PTPRR: variants seen among roughly 807,000 people sequenced by gnomAD.
The protein encoded by PTPRR is receptor-type tyrosine-protein phosphatase R.
PTPRR carries 38 observed loss-of-function variants against 77.2 expected under a neutral mutation model. The observed-to-expected ratio is 0.49, with a 90% CI of 0.38 to 0.65. The LOEUF (loss-of-function observed/expected upper bound fraction) is 0.65, where lower values mean the gene tolerates loss of function less well. Among genes scored for constraint, PTPRR ranks in the 30% least tolerant of loss-of-function variants. The pLI, the probability that PTPRR is intolerant of heterozygous loss-of-function variation, is 0.00. For synonymous variants in PTPRR, 299 were observed against 283.1 expected, an observed-to-expected ratio of 1.06 and a Z score of -0.57; for missense variants, 744 against 799.2, an observed-to-expected ratio of 0.93 and a Z score of 0.83.
At chr12:70,666,654 T>C (rs1887006367) in intron 10 of PTPRR, among the ~76,000 whole-genome samples, 1 of 152,146 alleles carries the variant, frequency 6.6e-6, no homozygotes, top group East Asian at 1.9e-4. Flanking sequence ...GTCTCTAAGT[T>C]AAAAAATCTA....
chr12:70,715,942 T>C (rs1247993062), intron 6 of PTPRR, among the ~76,000 whole-genome samples: 5 of 152,158 alleles, frequency 3.3e-5, no homozygotes, highest in Non-Finnish European at 5.9e-5. Flanking sequence ...AGGGTATTGA[T>C]TGGGGAAGTG....
intron 10 of PTPRR, among the ~76,000 whole-genome samples, chr12:70,680,003 T>C (rs1258699368): frequency 1.3e-5 from 2 of 152,232 alleles, no homozygotes; most frequent in African/African-American, 4.8e-5. Context: ...TTGGTGGTTT[T>C]CCATAGTGAT....
Position 70,701,118 on chromosome 12 carries a change from C to G in PTPRR, c.1194+19G>C, listed in dbSNP as rs1888405686. ...ATCAAAATACCGACTGAAGAGTGAA[C>G]AATAAATAGAAGGCTCACCATGAAT... On this transcript the variant is annotated intron_variant, in intron 7 of 13. Coordinates refer to ENST00000283228, the MANE Select transcript of PTPRR (RefSeq NM_002849.4). The G allele has an allele frequency of 6.2e-7, 1 of 1,613,002 alleles. No individual in the cohort carries two copies. The highest frequency in any genetic ancestry group is 1.1e-5 in the South Asian group (1 of 91,014).
chr12:70,908,767 C>T (rs1157816407), intron 1 of PTPRR, among the ~76,000 whole-genome samples: 1 of 152,172 alleles, frequency 6.6e-6, no homozygotes, highest in African/African-American at 2.4e-5. Flanking sequence ...TTGGTAGACC[C>T]TTTCAACACT....
intron 2 of PTPRR, among the ~76,000 whole-genome samples, chr12:70,793,406 C>G (rs1891455081): frequency 6.6e-6 from 1 of 152,060 alleles, no homozygotes; most frequent in African/African-American, 2.4e-5. Context: ...ATCTTAGAGA[C>G]AAAGCATAAT....
chr12:70,846,438 G>C (rs75250152), intron 2 of PTPRR, among the ~76,000 whole-genome samples: 3,960 of 152,214 alleles, frequency 0.026, 172 homozygotes, highest in African/African-American at 0.09. Flanking sequence ...AGACTCACTT[G>C]TTTATTTTAA....
chr12:70,908,152 G>A (rs967493409), intron 1 of PTPRR, among the ~76,000 whole-genome samples: 1 of 152,136 alleles, frequency 6.6e-6, no homozygotes, highest in Non-Finnish European at 1.5e-5. Flanking sequence ...AAAAGTGTCT[G>A]TTTTAAGAAT....
chr12:70,859,363 G>A (rs1380535603), intron 2 of PTPRR, among the ~76,000 whole-genome samples: 1 of 152,130 alleles, frequency 6.6e-6, no homozygotes, highest in Non-Finnish European at 1.5e-5. Context: ...CAATCTCCAG[G>A]TGATTCTAAT....
At chr12:70,830,066 C>A (rs943072499) in intron 2 of PTPRR, among the ~76,000 whole-genome samples, 1 of 152,048 alleles carries the variant, frequency 6.6e-6, no homozygotes, top group Admixed American at 6.6e-5. Context: ...CTCTGCATTC[C>A]CTCCAAGGGA....
intron 8 of PTPRR, among the ~76,000 whole-genome samples, chr12:70,690,466 C>G (rs564910699): frequency 6.6e-6 from 1 of 152,108 alleles, no homozygotes; most frequent in Non-Finnish European, 1.5e-5. Context: ...TAAAAAATAA[C>G]GTTTTAGCAA....
At chr12:70,917,293 C>G (rs1235284800) in intron 1 of PTPRR, among the ~76,000 whole-genome samples, 1 of 152,162 alleles carries the variant, frequency 6.6e-6, no homozygotes, top group African/African-American at 2.4e-5. Context: ...TTTTGCACCA[C>G]TAACTTAATC....
chr12:70,733,575 G>A (rs886763956), intron 6 of PTPRR, among the ~76,000 whole-genome samples: 1 of 151,962 alleles, frequency 6.6e-6, no homozygotes, highest in Non-Finnish European at 1.5e-5. Context: ...CCACTAGAGG[G>A]AACTAATTCC....
At chr12:70,788,364 G>A (rs1891364622) in intron 2 of PTPRR, among the ~76,000 whole-genome samples, 1 of 152,152 alleles carries the variant, frequency 6.6e-6, no homozygotes, top group African/African-American at 2.4e-5. Flanking sequence ...TTATAAAAAT[G>A]TCTAGATTTA....
rs148502577 is a variant in PTPRR, at chr12:70,753,141, A to G, written c.738+1050T>C. ...ATTTTAAACTCTAGAAAACATGCTT[A>G]TCTTCACCCTGTTTAAGACTGTGCT... On this transcript the variant is annotated intron_variant, in intron 5 of 13. Transcript: ENST00000283228. Among the ~76,000 whole-genome samples, 8 of 152,258 alleles carry G rather than the reference A, an allele frequency of 5.3e-5. No homozygotes were observed. In the East Asian group the frequency reaches 1.2e-3, roughly 22 times the overall value.
chr12:70,833,130 T>C (rs907951765), intron 2 of PTPRR, among the ~76,000 whole-genome samples: 2 of 152,046 alleles, frequency 1.3e-5, no homozygotes, highest in African/African-American at 2.4e-5. Context: ...CATTTCAACA[T>C]GAGATTTGGA....
At chr12:70,812,201 C>T (rs1270235029) in intron 2 of PTPRR, among the ~76,000 whole-genome samples, 2 of 151,974 alleles carry the variant, frequency 1.3e-5, no homozygotes, top group Non-Finnish European at 2.9e-5. Flanking sequence ...AAAGTGAGTC[C>T]TCGGTTCTAT....
chr12:70,716,002 G>C lies in PTPRR; in HGVS notation c.1008-14679C>G, dbSNP rs186900663. ...ATTTATGTTTAGAGATTGCAGTAAA[G>C]ACAGGCATAAGAAATTATAAAAGTA... is the stretch of plus-strand genomic sequence containing the variant. On this transcript the variant is annotated intron_variant, in intron 6 of 13. Transcript: ENST00000283228. Among the ~76,000 whole-genome samples, 374 of 152,258 alleles carry C rather than the reference G, an allele frequency of 2.5e-3. 1 individual carries two copies. Among genetic ancestry groups the C allele is most frequent in the African/African-American group, 8.6e-3 (357 of 41,546 alleles).
At chr12:70,721,950 AAAATGTATCC>A (rs1339369120) in intron 6 of PTPRR, among the ~76,000 whole-genome samples, 1 of 152,226 alleles carries the variant, frequency 6.6e-6, no homozygotes, top group Non-Finnish European at 1.5e-5. Context: ...ACCCCAATTT[AAAATGTATCC>A]AAATTTTGGC....
intron 6 of PTPRR, among the ~76,000 whole-genome samples, chr12:70,708,380 A>C (rs547693688): frequency 5.9e-5 from 9 of 152,206 alleles, no homozygotes; most frequent in African/African-American, 2.2e-4. Flanking sequence ...AGGAGTCTGA[A>C]AATTTGGAGT....
Sources: gnomAD v4.1 joint callset for allele counts (sites outside exome capture counted in the v4.1 genomes callset) on GRCh38, gnomAD v4.1.1 for gene constraint, MANE v1.5 for transcripts, NCBI Gene and HGNC (gene_info 2026-07-23, HGNC 2026-07-21) for gene names.